Variants in VEGFA observed in about 807,000 individuals in gnomAD.
VEGFA encodes vascular endothelial growth factor A.
A neutral mutation model predicts 49.7 loss-of-function variants in VEGFA; 20 were observed. The observed-to-expected ratio is 0.40, with a 90% CI of 0.28 to 0.58. VEGFA has a LOEUF of 0.58. Among genes scored for constraint, VEGFA ranks in the 20% least tolerant of loss-of-function variants. The probability of loss-of-function intolerance (pLI) is 0.40; values close to 1 mark genes in which losing one functional copy is unlikely to be tolerated. For missense variants in VEGFA, 505 were observed against 553.5 expected, an observed-to-expected ratio of 0.91 and a Z score of 0.88; for synonymous variants, 219 against 223.4, an observed-to-expected ratio of 0.98 and a Z score of 0.18.
At chr6:43,774,925 G>A (rs567486249) in intron 2 of VEGFA, 1 of 168,414 alleles carries the variant, frequency 5.9e-6, no homozygotes, top group South Asian at 1.4e-4. Context: ...TTCCCTCCCA[G>A]GCCAGCAGAG....
In VEGFA at chr6:43,784,499, C is replaced by T. The variant is rs372111058; in HGVS notation, c.1167-42C>T. ...CGCCTGCCTCATCGCCAGGCCTCCT[C>T]ACTTGGCCCTAACCCCAGCCTTTGT... is the stretch of plus-strand genomic sequence containing the variant. On this transcript the variant is annotated intron_variant, in intron 7 of 7. Coordinates refer to ENST00000672860, the MANE Select transcript of VEGFA (RefSeq NM_003376.6). 3.9e-5 allele frequency: 62 copies of T among 1,608,982 alleles called. No individual in the cohort carries two copies. The African/African-American group carries it at 6.7e-4, about 17-fold the overall frequency.
At chr6:43,777,000 G>A (rs984259926) in intron 2 of VEGFA, 23 of 328,416 alleles carry the variant, frequency 7.0e-5, no homozygotes, top group Non-Finnish European at 1.3e-4. Context: ...GATGTAGTAA[G>A]TGCTCAATAA....
At position 43,781,877 on chromosome 6, in the gene VEGFA, G is replaced by T. The variant is rs1057048864; in HGVS notation, c.1035-79G>T. ...GGGGGTGCAGCTGCGGACATGTTAGGGGGTGTTGCATGGTGATTTTTTTTC... is the reference window on the plus strand; with the variant it reads ...GGGGGTGCAGCTGCGGACATGTTAGTGGGTGTTGCATGGTGATTTTTTTTC... On this transcript the variant is annotated intron_variant, in intron 6 of 7. Transcript: ENST00000672860. 6 of 1,581,914 alleles carry T rather than the reference G, an allele frequency of 3.8e-6. No homozygotes were observed. In the African/African-American group the frequency reaches 5.4e-5, roughly 14 times the overall value.
Position 43,784,643 on chromosome 6 carries a change from T to C in VEGFA, c.*81T>C. ...GGAAAGACTGATACAGAACGATCGA[T>C]ACAGAAACCACGCTGCCGCCACCAC... On this transcript the variant is annotated 3_prime_UTR_variant, in exon 8 of 8. Coordinates refer to ENST00000672860, the MANE Select transcript of VEGFA (RefSeq NM_003376.6). The C allele has an allele frequency of 6.2e-7, 1 of 1,611,992 alleles. No homozygotes were observed.
rs1426461179 is a variant in VEGFA, at chr6:43,777,689, C to A, written c.855+24C>A. On this transcript the variant is annotated intron_variant, in intron 3 of 7. Transcript: ENST00000672860. The surrounding 1 kb of genome is among the most constrained non-coding windows in gnomAD (Gnocchi z 4.3). ...AGGTGGGCATCTTTGGGAAGTGGGG[C>A]AAGGGGGGGATAGGGAGGGGGGTAA... The A allele has an allele frequency of 4.0e-5, 59 of 1,468,658 alleles. No individual in the cohort carries two copies. The highest frequency in any genetic ancestry group is 1.8e-4 in the Middle Eastern group (1 of 5,600). The allele number at this position is 1,468,658 out of a possible 1,614,324, so 91.0% of individuals were successfully genotyped here. A position where few individuals can be genotyped will look rare whatever the true frequency, so the allele number is the denominator to read the frequency against.
chr6:43,772,408 TC>T (rs925435753), intron 1 of VEGFA, among the ~76,000 whole-genome samples: 1 of 152,176 alleles, frequency 6.6e-6, no homozygotes, highest in Non-Finnish European at 1.5e-5. Context: ...ACAGTGTGCT[TC>T]CCTTCCCTCG....
chr6:43,771,333 G>A (rs1763462762), intron 1 of VEGFA, 21 bp downstream of exon 1: 2 of 1,590,116 alleles, frequency 1.3e-6, no homozygotes, highest in East Asian at 2.4e-5. Context: ...GTGCCCTGCT[G>A]GCGCCGCGGG....
In VEGFA at chr6:43,770,816, C is replaced by T. The variant is rs1763301365; in HGVS notation, c.110C>T (p.Ala37Val). The change falls in exon 1 of 8, where the codon GCG becomes GTG. Residue 37 changes from alanine to valine, a missense_variant. Physicochemically the swap from Ala to Val is moderately conservative, Grantham distance 64. This residue lies in a region of VEGFA where 340 missense variants were observed against 321.8 expected (regional missense o/e 1.06). Coordinates refer to ENST00000672860, the MANE Select transcript of VEGFA (RefSeq NM_003376.6). ...AGCCGCGGGCAGGGGCCGGAGCCCG[C>T]GCCCGGAGGCGGGGTGGAGGGGGTC... The T allele has an allele frequency of 3.3e-6, 5 of 1,512,548 alleles. 1 individual carries two copies. The highest frequency in any genetic ancestry group is 4.4e-6 in the Non-Finnish European group (5 of 1,132,562). 93.7% of individuals were successfully genotyped at this position (1,512,548 alleles called of 1,614,324 possible).
chr6:43,777,624 C>T lies in VEGFA; in HGVS notation c.814C>T (p.Leu272=). ...CGGGGGCTGCTGCAATGACGAGGGC[C>T]TGGAGTGTGTGCCCACTGAGGAGTC... Residue 272 remains leucine (L), a synonymous_variant, in exon 3 of 8, where the codon CTG becomes TTG. Coordinates refer to ENST00000672860, the MANE Select transcript of VEGFA (RefSeq NM_003376.6). This position sits in a 1 kb window ranked among gnomAD's most constrained non-coding sequence, Gnocchi z 4.3. 6.2e-7 allele frequency: 1 copy of T among 1,613,292 alleles called. No homozygotes were observed. Among genetic ancestry groups the T allele is most frequent in the African/African-American group, 1.3e-5 (1 of 74,692 alleles).
chr6:43,774,663 A>T, intron 2 of VEGFA: 1 of 555,486 alleles, frequency 1.8e-6, no homozygotes, highest in Non-Finnish European at 3.2e-6. Context: ...GTGCGCACAG[A>T]GCAGGAAGAC....
chr6:43,772,424 C>T (rs562024224), intron 1 of VEGFA, among the ~76,000 whole-genome samples: 1 of 152,288 alleles, frequency 6.6e-6, no homozygotes, highest in African/African-American at 2.4e-5. Flanking sequence ...CCCTCGCCAA[C>T]AGTTCCGAGT....
rs144542477 is a variant in VEGFA at position 43,781,904 on chromosome 6, C to T, written c.1035-52C>T. On this transcript the variant is annotated intron_variant, in intron 6 of 7. Transcript: ENST00000672860. Reference sequence around the variant, plus strand: ...GGTGTTGCATGGTGATTTTTTTTCTCTCTCTCTGCTGATGCTCTAGCTTAG... The same window carrying T: ...GGTGTTGCATGGTGATTTTTTTTCTTTCTCTCTGCTGATGCTCTAGCTTAG... 2.4e-3 allele frequency: 3,854 copies of T among 1,609,130 alleles called. 9 individuals carry two copies. The highest frequency in any genetic ancestry group is 4.3e-3 in the South Asian group (385 of 90,588).
rs1330383204 is a variant in VEGFA at position 43,782,161 on chromosome 6, T to TGAGC, written c.1166+88_1166+91dup. The TGAGC allele has an allele frequency of 1.7e-4, 276 of 1,587,802 alleles. No homozygotes were observed. In the African/African-American group the frequency reaches 2.4e-3, roughly 14 times the overall value. On this transcript the variant is annotated intron_variant, in intron 7 of 7. Transcript: ENST00000672860. The stretch of plus-strand genomic sequence containing the variant: ...TGGGGAGAGAGAGAGAGAAAGAGAG[T>TGAGC]GAGCGAGCGAGCGAGCGGGAGAGCG...
At chr6:43,784,114 C>T (rs1768890378) in intron 7 of VEGFA, 1 of 276,476 alleles carries the variant, frequency 3.6e-6, no homozygotes, top group African/African-American at 2.2e-5. Flanking sequence ...CCACACCAGC[C>T]CCTAGAGACT....
intron 1 of VEGFA, 135 bp downstream of exon 1, chr6:43,771,447 T>G: frequency 1.1e-6 from 1 of 915,496 alleles, no homozygotes; most frequent in Non-Finnish European, 1.5e-6. Flanking sequence ...GGCGTCCCCC[T>G]CTGTCGTCTT....
chr6:43,774,657 G>A (rs747212801), intron 2 of VEGFA: 21 of 561,046 alleles, frequency 3.7e-5, no homozygotes, highest in Non-Finnish European at 6.1e-5. Flanking sequence ...GGAGTCGTGC[G>A]CACAGAGCAG....
chr6:43,782,727 G>A (rs1483809750), intron 7 of VEGFA: 1 of 166,002 alleles, frequency 6.0e-6, no homozygotes, highest in Non-Finnish European at 1.3e-5. Flanking sequence ...CGCTCAGACT[G>A]AGGCTCCCTC....
At chr6:43,781,361 A>G (rs1767655243) in intron 6 of VEGFA, 2 of 256,396 alleles carry the variant, frequency 7.8e-6, no homozygotes, top group Non-Finnish European at 1.5e-5. Context: ...TCTGGAGGGG[A>G]GCCCCCTATT....
At position 43,784,907 on chromosome 6, in the gene VEGFA, CACAT is replaced by C. The variant is rs1769201205; in HGVS notation, c.*354_*357del. 1 of 378,396 alleles carries C rather than the reference CACAT, an allele frequency of 2.6e-6. No individual in the cohort carries two copies. Among genetic ancestry groups the C allele is most frequent in the East Asian group, 4.3e-5 (1 of 23,458 alleles). The allele number at this position is 378,396 out of a possible 1,614,324, so 23.4% of individuals were successfully genotyped here. ...TGGGATTCCTGTAGACACACCCACC[CACAT>C]ACATACATTTATATATATATATATT... On this transcript the variant is annotated 3_prime_UTR_variant, in exon 8 of 8. Coordinates refer to ENST00000672860, the MANE Select transcript of VEGFA (RefSeq NM_003376.6).
Sources: allele counts gnomAD v4.1 joint callset (sites outside exome capture counted in the v4.1 genomes callset), GRCh38; gene constraint gnomAD v4.1.1; regional missense constraint gnomAD v4.1.1; non-coding constraint Gnocchi (gnomAD v3.1); transcripts MANE v1.5; gene names NCBI Gene and HGNC (gene_info 2026-07-23, HGNC 2026-07-21).